Variants in TSHZ2 observed in about 807,000 individuals in gnomAD.
The protein encoded by TSHZ2 is teashirt zinc finger homeobox 2.
Under a neutral mutation model 74.4 loss-of-function variants are expected in TSHZ2, and 21 were observed. That is an observed-to-expected ratio of 0.28 (90% CI 0.20 to 0.41). The LOEUF is 0.41. Ranked by LOEUF, TSHZ2 falls within the 10% of genes least tolerant of loss-of-function variation. The pLI, the probability that TSHZ2 is intolerant of heterozygous loss-of-function variation, is 1.00. For missense variants in TSHZ2, 1,244 were observed against 1,293.5 expected (o/e 0.96, Z 0.59); for synonymous variants, 540 against 515.3 (o/e 1.05, Z -0.65).
At chr20:53,047,735 A>C (rs935636494) in intron 1 of TSHZ2, among the ~76,000 whole-genome samples, 1 of 152,170 alleles carries the variant, frequency 6.6e-6, no homozygotes, top group Non-Finnish European at 1.5e-5. Flanking sequence ...GCAAAAAAAA[A>C]CCATTCTTTA....
intron 1 of TSHZ2, among the ~76,000 whole-genome samples, chr20:53,075,806 G>C (rs1293513678): frequency 6.6e-6 from 1 of 152,180 alleles, no homozygotes; most frequent in Admixed American, 6.5e-5. Context: ...AGCCACCATC[G>C]GTGGGAGCCA....
At chr20:53,229,082 A>G (rs1989757934) in intron 1 of TSHZ2, among the ~76,000 whole-genome samples, 1 of 152,192 alleles carries the variant, frequency 6.6e-6, no homozygotes, top group African/African-American at 2.4e-5. Flanking sequence ...TCAGAACAGG[A>G]GCATTTTGTC....
intron 2 of TSHZ2, among the ~76,000 whole-genome samples, chr20:53,422,091 G>A (rs1453660780): frequency 3.3e-5 from 5 of 152,090 alleles, no homozygotes; most frequent in South Asian, 2.1e-4. Context: ...AATGCAGTTC[G>A]TTGGGTTTCG....
intron 2 of TSHZ2, among the ~76,000 whole-genome samples, chr20:53,274,866 C>G (rs1990910957): frequency 1.3e-5 from 2 of 152,158 alleles, no homozygotes; most frequent in Admixed American, 6.5e-5. Flanking sequence ...ATACTCTGCT[C>G]TAAGTCTTCT....
chr20:53,252,004 C>G (rs1452605451), intron 1 of TSHZ2, among the ~76,000 whole-genome samples: 2 of 152,222 alleles, frequency 1.3e-5, no homozygotes, highest in African/African-American at 4.8e-5. Flanking sequence ...TACCTTAAAG[C>G]CTCAGTTTCC....
intron 2 of TSHZ2, among the ~76,000 whole-genome samples, chr20:53,482,546 C>A (rs6091684): frequency 0.2 from 30,456 of 152,158 alleles, 3,224 homozygotes; most frequent in East Asian, 0.3. Flanking sequence ...TTTCACATTG[C>A]ATGCCTGTAT....
chr20:53,456,280 G>C (rs1415664564), intron 2 of TSHZ2, among the ~76,000 whole-genome samples: 2 of 150,888 alleles, frequency 1.3e-5, no homozygotes, highest in Non-Finnish European at 3.0e-5. Context: ...GTATCTCATT[G>C]TGGTTTTGAT....
intron 1 of TSHZ2, among the ~76,000 whole-genome samples, chr20:53,218,161 T>G (rs1266813013): frequency 2.0e-5 from 3 of 152,228 alleles, no homozygotes; most frequent in Non-Finnish European, 4.4e-5. Context: ...TGCACTAAAT[T>G]TGTTTTCTAA....
At chr20:53,460,491 G>C (rs1985313653) in intron 2 of TSHZ2, among the ~76,000 whole-genome samples, 1 of 152,144 alleles carries the variant, frequency 6.6e-6, no homozygotes, top group African/African-American at 2.4e-5. Flanking sequence ...CCTTTGGTTT[G>C]AATGTCCTCC....
chr20:53,136,269 A>G (rs181967389), intron 1 of TSHZ2, among the ~76,000 whole-genome samples: 2 of 152,298 alleles, frequency 1.3e-5, no homozygotes, highest in Admixed American at 1.3e-4. Flanking sequence ...TCAACGCCCT[A>G]CCTCTCAATA....
At chr20:53,119,319 T>C (rs1382292425) in intron 1 of TSHZ2, among the ~76,000 whole-genome samples, 1 of 152,242 alleles carries the variant, frequency 6.6e-6, no homozygotes, top group African/African-American at 2.4e-5. Flanking sequence ...GTTCTAGATA[T>C]CGGTGTCACA....
At chr20:53,276,567 G>A (rs147126526) in intron 2 of TSHZ2, among the ~76,000 whole-genome samples, 1 of 152,184 alleles carries the variant, frequency 6.6e-6, no homozygotes, top group East Asian at 1.9e-4. Flanking sequence ...TATAAGATGG[G>A]GATAACTGTT....
chr20:53,087,166 A>G (rs1985724480), intron 1 of TSHZ2, among the ~76,000 whole-genome samples: 1 of 152,214 alleles, frequency 6.6e-6, no homozygotes, highest in South Asian at 2.1e-4. Context: ...CCTGTCATGA[A>G]TGGAGAGAAG....
chr20:53,291,307 A>C (rs539386868), intron 2 of TSHZ2, among the ~76,000 whole-genome samples: 2 of 152,154 alleles, frequency 1.3e-5, no homozygotes, highest in East Asian at 1.9e-4. Flanking sequence ...CCCAGTCTCT[A>C]CTAAAAATAC....
intron 1 of TSHZ2, among the ~76,000 whole-genome samples, chr20:53,239,269 G>A (rs970421107): frequency 6.6e-6 from 1 of 152,154 alleles, no homozygotes; most frequent in Non-Finnish European, 1.5e-5. Context: ...ACATTACCAA[G>A]TGTGTCTCTA....
chr20:53,270,738 T>G (rs1990816526), intron 2 of TSHZ2, among the ~76,000 whole-genome samples: 1 of 152,218 alleles, frequency 6.6e-6, no homozygotes, highest in East Asian at 1.9e-4. Flanking sequence ...ACTCGGGGCC[T>G]TCAGCAAATT....
At chr20:53,357,549 T>C (rs1221251061) in intron 2 of TSHZ2, among the ~76,000 whole-genome samples, 2 of 152,080 alleles carry the variant, frequency 1.3e-5, no homozygotes, top group African/African-American at 4.8e-5. Context: ...CCAATTAATT[T>C]CTAAGCTAGT....
At chr20:53,408,255 T>C (rs1216236816) in intron 2 of TSHZ2, among the ~76,000 whole-genome samples, 1 of 152,156 alleles carries the variant, frequency 6.6e-6, no homozygotes, top group Non-Finnish European at 1.5e-5. Context: ...GGGTCCTCCT[T>C]CTTCATCCTG....
rs199969118 is a variant in TSHZ2, at chr20:53,050,097, ATG to A, written c.40+76770_40+76771del. 2.9e-3 allele frequency among the ~76,000 whole-genome samples: 236 copies of A among 81,814 alleles called. 3 individuals carry two copies. Among genetic ancestry groups the A allele is most frequent in the East Asian group, 0.013 (14 of 1,070 alleles). The allele number at this position is 81,814 out of a possible 152,430, so 53.7% of individuals were successfully genotyped here. ...CTCAATCTCAAAAAAAAAAATGTAT[ATG>A]TGTGTATATATATATATATATATAT... On this transcript the variant is annotated intron_variant, in intron 1 of 2. Transcript: ENST00000371497.
Sources: allele counts gnomAD v4.1 joint callset (sites outside exome capture counted in the v4.1 genomes callset), GRCh38; gene constraint gnomAD v4.1.1; transcripts MANE v1.5; gene names NCBI Gene and HGNC (gene_info 2026-07-23, HGNC 2026-07-21).